VPS4B: variants seen among roughly 807,000 people sequenced by gnomAD.
VPS4B encodes vacuolar protein sorting 4 homolog B.
In VPS4B, 23 loss-of-function variants were observed where a neutral mutation model predicts 56.1. The ratio of observed to expected loss-of-function variants is 0.41; its 90% CI spans 0.30 to 0.58. The LOEUF (loss-of-function observed/expected upper bound fraction) is 0.58, where lower values mean the gene tolerates loss of function less well. VPS4B is among the 20% of genes least tolerant of loss of function. VPS4B has a pLI of 0.29. For synonymous variants in VPS4B, 177 were observed against 186.0 expected, an observed-to-expected ratio of 0.95 and a Z score of 0.39; for missense variants, 372 against 531.9, an observed-to-expected ratio of 0.70 and a Z score of 2.96.
chr18:63,397,002 AAG>A, intron 9 of VPS4B, 30 bp downstream of exon 9: 1 of 1,592,262 alleles, frequency 6.3e-7, no homozygotes, highest in Non-Finnish European at 8.6e-7. Context: ...AAAAAAAAAA[AAG>A]ATAGGAAAGG....
At chr18:63,397,903 T>G (rs1915707020) in intron 8 of VPS4B, among the ~76,000 whole-genome samples, 1 of 152,176 alleles carries the variant, frequency 6.6e-6, no homozygotes, top group Non-Finnish European at 1.5e-5. Context: ...TAGAGATGGG[T>G]GCAGAATAAG....
intron 10 of VPS4B, among the ~76,000 whole-genome samples, chr18:63,391,798 C>T (rs954827753): frequency 5.9e-5 from 9 of 152,138 alleles, no homozygotes; most frequent in African/African-American, 2.2e-4. Context: ...GAATACCATT[C>T]TATGAAAAAT....
rs2144409933 is a variant in VPS4B, at chr18:63,393,424, C to T, written c.1218G>A (p.Glu406=). 2 of 1,598,690 alleles carry T rather than the reference C, an allele frequency of 1.3e-6. No individual in the cohort carries two copies. The highest frequency in any genetic ancestry group is 1.3e-5 in the African/African-American group (1 of 74,240). The change falls in exon 10 of 11, where the codon GAG becomes GAA. Residue 406 remains glutamate, a synonymous_variant. Coordinates refer to ENST00000238497, the MANE Select transcript of VPS4B (RefSeq NM_004869.4). ...WMDVPGDKLL[E]PVVSMSDMLR... ...AATTTCAAACCATGGAAACAACTGG[C>T]TCCAAAAGTTTATCTCCAGGGACAT...
chr18:63,418,348 C>T (rs1279869550), intron 1 of VPS4B, among the ~76,000 whole-genome samples: 1 of 152,178 alleles, frequency 6.6e-6, no homozygotes, highest in Non-Finnish European at 1.5e-5. Context: ...ATTTAACACA[C>T]ACAACAAATA....
In VPS4B at chr18:63,420,660, A is replaced by G. The variant is rs1476797556; in HGVS notation, c.27+1573T>C. Among the ~76,000 whole-genome samples the G allele has an allele frequency of 2.6e-5, 4 of 152,210 alleles. No homozygotes were observed. In the East Asian group the frequency reaches 7.7e-4, roughly 29 times the overall value. On this transcript the variant is annotated intron_variant, in intron 1 of 10. Transcript: ENST00000238497. ...ACGCTTTTTCCAAATACGTTTACCA[A>G]AAAGAACCTTTCCAAATAGGACTAC...
intron 1 of VPS4B, among the ~76,000 whole-genome samples, chr18:63,417,047 C>A (rs559192116): frequency 6.6e-6 from 1 of 152,076 alleles, no homozygotes; most frequent in Admixed American, 6.6e-5. Context: ...CTACCCATGC[C>A]TAGAATGGTG....
Position 63,400,061 on chromosome 18 carries a change from T to C in VPS4B, c.777A>G (p.Leu259=). 3 of 1,604,990 alleles carry C rather than the reference T, an allele frequency of 1.9e-6. No individual in the cohort carries two copies. The highest frequency in any genetic ancestry group is 1.7e-6 in the Non-Finnish European group (2 of 1,177,660). The change falls in exon 7 of 11, where the codon CTA becomes CTG. Residue 259 remains leucine, a synonymous_variant. Coordinates refer to ENST00000238497, the MANE Select transcript of VPS4B (RefSeq NM_004869.4). The part of the protein sequence containing the change: ...EAARRIKTEF[L]VQMQGVGVDN... ...TAGTAACACTACCTTGCATTTGCAC[T>C]AGGAACTCCGTCTTAATTCTACGTG...
At position 63,397,224 on chromosome 18, in the gene VPS4B, G is replaced by A. The variant is rs772832718; in HGVS notation, c.902C>T (p.Pro301Leu). ...CATTGCTGCTCGGGCATGGGGTTCCGGCAAGGGAATATAAATTCGTTTCTC... is the reference window on the plus strand; with the variant it reads ...CATTGCTGCTCGGGCATGGGGTTCCAGCAAGGGAATATAAATTCGTTTCTC... ...RFEKRIYIPL[P>L]EPHARAAMFK... is the part of the protein sequence containing the mutation. The change falls in exon 9 of 11, where the codon CCG becomes CTG. Residue 301 changes from proline to leucine, a missense_variant. Physicochemically the swap from Pro to Leu is moderately conservative, Grantham distance 98 (BLOSUM62 -3). Coordinates refer to ENST00000238497, the MANE Select transcript of VPS4B (RefSeq NM_004869.4). 3 of 1,607,256 alleles carry A rather than the reference G, an allele frequency of 1.9e-6. No homozygotes were observed. The highest frequency in any genetic ancestry group is 1.7e-6 in the Non-Finnish European group (2 of 1,177,212).
In VPS4B at chr18:63,422,426, CACCAGAGCTCCG is replaced by C; in HGVS notation, c.-179_-168del. On this transcript the variant is annotated 5_prime_UTR_variant, in exon 1 of 11. Coordinates refer to ENST00000238497, the MANE Select transcript of VPS4B (RefSeq NM_004869.4). ...AACTTGTTTTAGACAACACTCTCTC[CACCAGAGCTCCG>C]ACCCTCCCCACCAAACTTCCGCAAT... is the stretch of plus-strand genomic sequence containing the variant. 1 of 514,722 alleles carries C rather than the reference CACCAGAGCTCCG, an allele frequency of 1.9e-6. No individual in the cohort carries two copies. Among genetic ancestry groups the C allele is most frequent in the Non-Finnish European group, 3.2e-6 (1 of 314,832 alleles). The allele number at this position is 514,722 out of a possible 1,614,324, so 31.9% of individuals were successfully genotyped here.
In VPS4B at chr18:63,403,731, T is replaced by C; in HGVS notation, c.460A>G (p.Ile154Val). 1.2e-6 allele frequency: 2 copies of C among 1,609,486 alleles called. No individual in the cohort carries two copies. The highest frequency in any genetic ancestry group is 1.7e-6 in the Non-Finnish European group (2 of 1,178,106). Residue 154 changes from isoleucine (I) to valine (V), a missense_variant, in exon 5 of 11, where the codon ATT (isoleucine) becomes GTT (valine). By Grantham distance (29) the Ile-to-Val change is conservative. Transcript: ENST00000238497. ...CCTGTAAAAAGATGAGGAAATTTAA[T>C]AGGCAGTATCACAGCCTCTTTCAGT... The part of the protein sequence containing the change: ...EALKEAVILP[I>V]KFPHLFTGKR...
At chr18:63,399,433 C>A in intron 7 of VPS4B, 110 bp from the exon 8 acceptor site, 1 of 892,236 alleles carries the variant, frequency 1.1e-6, no homozygotes, top group Non-Finnish European at 1.8e-6. Flanking sequence ...AGTGCTTCAT[C>A]TTGAGAGTCT....
chr18:63,405,935 G>A (rs577658453), intron 4 of VPS4B, among the ~76,000 whole-genome samples: 5 of 151,888 alleles, frequency 3.3e-5, no homozygotes, highest in African/African-American at 9.7e-5. Context: ...GCAGTAAGCC[G>A]TGATTGCGCC....
Position 63,419,754 on chromosome 18 carries a change from T to C in VPS4B, c.27+2479A>G, listed in dbSNP as rs372613342. 4.4e-4 allele frequency among the ~76,000 whole-genome samples: 67 copies of C among 152,366 alleles called. No homozygotes were observed. The East Asian group carries it at 0.011, about 26-fold the overall frequency. On this transcript the variant is annotated intron_variant, in intron 1 of 10. Coordinates refer to ENST00000238497, the MANE Select transcript of VPS4B (RefSeq NM_004869.4). ...TAGTGTTTCAAAATTATGAACTATT[T>C]ATTCTAGAATATTTCATTTAAAATT...
intron 1 of VPS4B, among the ~76,000 whole-genome samples, chr18:63,413,241 A>G (rs1916085040): frequency 6.6e-6 from 1 of 152,210 alleles, no homozygotes; most frequent in Non-Finnish European, 1.5e-5. Flanking sequence ...ACTGCAGACA[A>G]CTGGATAAAG....
intron 5 of VPS4B, among the ~76,000 whole-genome samples, chr18:63,401,949 C>T (rs188138757): frequency 1.4e-3 from 219 of 152,118 alleles, no homozygotes; most frequent in Non-Finnish European, 2.5e-3. Context: ...AACGAGACCA[C>T]GCCATTGCAT....
At chr18:63,394,965 G>T (rs901273323) in intron 9 of VPS4B, among the ~76,000 whole-genome samples, 2 of 152,168 alleles carry the variant, frequency 1.3e-5, no homozygotes, top group Non-Finnish European at 2.9e-5. Flanking sequence ...ACCGGTCCCA[G>T]ATTAGTATTT....
intron 10 of VPS4B, among the ~76,000 whole-genome samples, chr18:63,392,568 C>T (rs1212605271): frequency 6.6e-6 from 1 of 151,538 alleles, no homozygotes; most frequent in Non-Finnish European, 1.5e-5. Context: ...CCTGCCTCAG[C>T]CTCCCAAGTA....
chr18:63,392,665 G>A (rs1371899243), intron 10 of VPS4B, among the ~76,000 whole-genome samples: 1 of 151,706 alleles, frequency 6.6e-6, no homozygotes, highest in Non-Finnish European at 1.5e-5. Flanking sequence ...GGCCAGGATG[G>A]TCTCGATCTC....
At position 63,397,258 on chromosome 18, in the gene VPS4B, A is replaced by G; in HGVS notation, c.873-5T>C. On this transcript the variant is annotated splice_region_variant and splice_polypyrimidine_tract_variant and intron_variant, in intron 8 of 10. Coordinates refer to ENST00000238497, the MANE Select transcript of VPS4B (RefSeq NM_004869.4). ...ATATAAATTCGTTTCTCAAATCTTA[A>G]AAGAGAAATTACATCAAGAATATAT... 1 of 1,594,820 alleles carries G rather than the reference A, an allele frequency of 6.3e-7. No homozygotes were observed. The highest frequency in any genetic ancestry group is 8.5e-7 in the Non-Finnish European group (1 of 1,172,042).
Sources: gnomAD v4.1 joint callset for allele counts (sites outside exome capture counted in the v4.1 genomes callset) on GRCh38, gnomAD v4.1.1 for gene constraint, MANE v1.5 for transcripts, NCBI Gene and HGNC (gene_info 2026-07-23, HGNC 2026-07-21) for gene names.